The following NHSL2 variants were observed in gnomAD, a reference collection of about 807,000 sequenced individuals.
NHSL2 encodes NHS-like protein 2.
NHSL2 carries 27 observed loss-of-function variants against 53.4 expected under a neutral mutation model. That is an observed-to-expected ratio of 0.51 (90% CI 0.37 to 0.70). The LOEUF is 0.70. NHSL2 is among the 30% of genes least tolerant of loss of function. NHSL2 has a pLI of 0.00. For synonymous variants in NHSL2, 408 were observed against 404.1 expected (o/e 1.01, Z -0.12); for missense variants, 892 against 980.1 (o/e 0.91, Z 1.20).
chrX:72,030,108 G>A (rs1238937970), intron 1 of NHSL2, among the ~76,000 whole-genome samples: 1 of 112,402 alleles, frequency 8.9e-6, no homozygotes, highest in Non-Finnish European at 1.9e-5. Flanking sequence ...ATGATCTGCC[G>A]AATAATGAGT....
intron 1 of NHSL2, among the ~76,000 whole-genome samples, chrX:72,094,829 A>G (rs1252000035): frequency 4.5e-5 from 5 of 111,951 alleles, no homozygotes; most frequent in African/African-American, 1.6e-4. Context: ...CTTGAACCAC[A>G]TGTGAGGAGT....
At chrX:72,138,018 G>T (rs1366636147) in intron 5 of NHSL2, among the ~76,000 whole-genome samples, 1 of 111,376 alleles carries the variant, frequency 9.0e-6, no homozygotes, top group Admixed American at 9.5e-5. Flanking sequence ...TGCATCTTGG[G>T]CATGCTCCAG....
intron 1 of NHSL2, among the ~76,000 whole-genome samples, chrX:72,055,718 C>G (rs1463145269): frequency 8.9e-6 from 1 of 111,828 alleles, no homozygotes. Context: ...TTGACTTTAA[C>G]CTTTCATGGC....
intron 1 of NHSL2, among the ~76,000 whole-genome samples, chrX:72,004,026 G>T (rs894564860): frequency 8.9e-6 from 1 of 112,079 alleles, no homozygotes; most frequent in Non-Finnish European, 1.9e-5. Flanking sequence ...TGCAACTTCT[G>T]TCTCTTTTGT....
chrX:72,103,041 G>A (rs1223698155), intron 1 of NHSL2, among the ~76,000 whole-genome samples: 1 of 112,106 alleles, frequency 8.9e-6, no homozygotes, highest in African/African-American at 3.2e-5. Flanking sequence ...CCTTCCCGGG[G>A]GACAGAGCCA....
intron 1 of NHSL2, among the ~76,000 whole-genome samples, chrX:71,979,979 T>A (rs2147866170): frequency 8.9e-6 from 1 of 112,396 alleles, no homozygotes; most frequent in Non-Finnish European, 1.9e-5. Flanking sequence ...TTTCTACATA[T>A]GGCTATCCAG....
chrX:72,142,347 A>G lies in NHSL2; in HGVS notation c.3339A>G (p.Leu1113=). 8.6e-7 allele frequency: 1 copy of G among 1,160,933 alleles called. No individual in the cohort carries two copies. The highest frequency in any genetic ancestry group is 1.2e-6 in the Non-Finnish European group (1 of 867,482). Residue 1113 remains leucine, a synonymous_variant, in exon 7 of 8, where the codon TTA becomes TTG. Coordinates refer to ENST00000633930, the MANE Select transcript of NHSL2 (RefSeq NM_001013627.3). The stretch of plus-strand genomic sequence containing the variant: ...TGGCTTCACGCACAACTGAAGATTT[A>G]TTTACTGTGATACACAGGTCTGCAC... The part of the protein sequence containing the change: ...VFVASRTTED[L]FTVIHRSKRK...
At chrX:72,092,572 T>A (rs2041908303) in intron 1 of NHSL2, among the ~76,000 whole-genome samples, 1 of 111,676 alleles carries the variant, frequency 9.0e-6, no homozygotes, top group Admixed American at 9.4e-5. Flanking sequence ...TAAAGAACAG[T>A]GCCCGGCACA....
intron 4 of NHSL2, 80 bp downstream of exon 4, chrX:72,134,784 G>C (rs2042342160): frequency 1.4e-6 from 1 of 738,815 alleles, no homozygotes; most frequent in South Asian, 2.6e-5. Context: ...TGGGTATTGG[G>C]GGAGGGAAGT....
At chrX:72,044,567 A>G (rs1400584176) in intron 1 of NHSL2, 4 of 914,507 alleles carry the variant, frequency 4.4e-6, no homozygotes, top group Non-Finnish European at 6.3e-6. Context: ...AGAAGGAACA[A>G]CAGTCATGCC....
intron 1 of NHSL2, among the ~76,000 whole-genome samples, chrX:72,040,207 G>A (rs2042266005): frequency 9.0e-6 from 1 of 111,547 alleles, no homozygotes; most frequent in Non-Finnish European, 1.9e-5. Context: ...ATGTTCCCTT[G>A]ACAGGGTAAG....
chrX:71,951,702 T>C (rs1048907394), intron 1 of NHSL2, among the ~76,000 whole-genome samples: 2 of 112,341 alleles, frequency 1.8e-5, no homozygotes, highest in African/African-American at 6.5e-5. Flanking sequence ...CCAAACACTC[T>C]TGGACACTGG....
At position 72,139,041 on chromosome X, in the gene NHSL2, C is replaced by A; in HGVS notation, c.1493C>A (p.Ser498Ter). The change falls in exon 6 of 8, where the codon TCA (serine) becomes TAA (stop). Residue 498 changes from serine (S) to a stop codon, truncating the protein, a stop_gained. Coordinates refer to ENST00000633930, the MANE Select transcript of NHSL2 (RefSeq NM_001013627.3). LOFTEE classifies it high-confidence loss of function. ...GGGGCCAGCAGATTCCGGGAGCGGT[C>A]ACTGTCTGTGCCCACAGACTCAGGC... The part of the protein sequence containing the change: ...PGGASRFRER[S>*]LSVPTDSGTT... 1 of 1,172,055 alleles carries A rather than the reference C, an allele frequency of 8.5e-7. No individual in the cohort carries two copies. Among genetic ancestry groups the A allele is most frequent in the South Asian group, 1.9e-5 (1 of 52,951 alleles).
intron 1 of NHSL2, among the ~76,000 whole-genome samples, chrX:72,029,288 A>G (rs1374927919): frequency 9.0e-6 from 1 of 111,038 alleles, no homozygotes; most frequent in Non-Finnish European, 1.9e-5. Flanking sequence ...TCAAGCAGAA[A>G]TGGGAGTGGT....
rs774414066 is a variant in NHSL2, at chrX:72,140,708, T to C, written c.3160T>C (p.Ser1054Pro). Residue 1054 changes from serine (S) to proline (P), a missense_variant, in exon 6 of 8, where the codon TCA becomes CCA. Physicochemically the swap from Ser to Pro is moderately conservative, Grantham distance 74. Transcript: ENST00000633930. ...TCCCGCCACCGGCGATGACCTGCAA[T>C]CACTTGGTCAAAGGGTGACTTCAAC... is the stretch of plus-strand genomic sequence containing the variant. Reference protein sequence around the residue: ...KCPATGDDLQSLGQRVTSTPQ... With the variant: ...KCPATGDDLQPLGQRVTSTPQ... The C allele has an allele frequency of 7.5e-6, 9 of 1,205,909 alleles. No homozygotes were observed. The highest frequency in any genetic ancestry group is 1.0e-5 in the Non-Finnish European group (9 of 892,512).
intron 1 of NHSL2, among the ~76,000 whole-genome samples, chrX:72,091,453 CAA>C (rs763099839): frequency 0.14 from 13,502 of 99,752 alleles, 1,207 homozygotes; most frequent in African/African-American, 0.33. Context: ...GACTCCGTCT[CAA>C]AAAAAAAAAA....
rs980468413 is a variant in NHSL2 at position 72,147,070 on chromosome X, T to C, written c.*3496T>C. On this transcript the variant is annotated 3_prime_UTR_variant, in exon 8 of 8. Transcript: ENST00000633930. ...GCACCTGACATCCAGTGTAACTATCTGGACAACACAGACCCGATTGCAGTC... is the reference window on the plus strand; with the variant it reads ...GCACCTGACATCCAGTGTAACTATCCGGACAACACAGACCCGATTGCAGTC... The C allele has an allele frequency of 8.9e-6, 1 of 112,429 alleles. No individual in the cohort carries two copies. The highest frequency in any genetic ancestry group is 3.2e-5 in the African/African-American group (1 of 30,928). 9.3% of individuals were successfully genotyped at this position (112,429 alleles called of 1,213,427 possible).
chrX:71,970,724 CCTT>C (rs1237471069), intron 1 of NHSL2, among the ~76,000 whole-genome samples: 2 of 105,967 alleles, frequency 1.9e-5, no homozygotes, highest in African/African-American at 3.4e-5. Flanking sequence ...TTATTTCCTT[CCTT>C]CTTCTTGCTT....
At chrX:71,972,876 G>GT (rs386417098) in intron 1 of NHSL2, among the ~76,000 whole-genome samples, 1 of 108,472 alleles carries the variant, frequency 9.2e-6, no homozygotes, top group Non-Finnish European at 1.9e-5. Flanking sequence ...TTGTGTGTGT[G>GT]TGTGTGTGTG....
Sources: gnomAD v4.1 joint callset for allele counts (sites outside exome capture counted in the v4.1 genomes callset) on GRCh38, gnomAD v4.1.1 for gene constraint, MANE v1.5 for transcripts, NCBI Gene and HGNC (gene_info 2026-07-23, HGNC 2026-07-21) for gene names.